Variants in L1TD1 observed in about 807,000 individuals in gnomAD.
The protein encoded by L1TD1 is LINE1 type transposase domain containing 1, also known as LINE-1 type transposase domain-containing protein 1.
In L1TD1, 26 loss-of-function variants were observed where a neutral mutation model predicts 25.7. That is an observed-to-expected ratio of 1.01 (90% CI 0.74 to 1.40). The LOEUF (loss-of-function observed/expected upper bound fraction) is 1.40. Among genes scored for constraint, L1TD1 ranks in the 40% most tolerant of loss-of-function variants. The probability of loss-of-function intolerance (pLI) is 0.00; values close to 1 mark genes in which losing one functional copy is unlikely to be tolerated. For synonymous variants in L1TD1, 421 were observed against 335.6 expected (o/e 1.25, Z -2.78); for missense variants, 1,130 against 975.0 (o/e 1.16, Z -2.12).
rs1409612466 is a variant in L1TD1, at chr1:62,201,824, A to AGG, written c.-110-4691_-110-4690dup. ...ATTCATTCAAATAGAGATCCAAAAT[A>AGG]GGGGGAGCGTACATTGCATCTAGTG... On this transcript the variant is annotated intron_variant, in intron 2 of 3. Transcript: ENST00000498273. Among the ~76,000 whole-genome samples the AGG allele has an allele frequency of 9.9e-5, 15 of 152,184 alleles. 1 individual carries two copies. The highest frequency in any genetic ancestry group is 9.2e-4 in the Admixed American group (14 of 15,268).
chr1:62,195,747 T>A (rs1374217806), intron 1 of L1TD1, among the ~76,000 whole-genome samples: 1 of 140,286 alleles, frequency 7.1e-6, no homozygotes, highest in Non-Finnish European at 1.5e-5. Context: ...GGCGAAACTG[T>A]CTCAAATAAA....
At chr1:62,206,222 C>A (rs2149100801) in intron 2 of L1TD1, among the ~76,000 whole-genome samples, 1 of 152,238 alleles carries the variant, frequency 6.6e-6, no homozygotes, top group African/African-American at 2.4e-5. Context: ...TATAATTAAT[C>A]TCATTATAGA....
Position 62,211,082 on chromosome 1 carries a change from A to C in L1TD1, c.2308A>C (p.Lys770Gln). ...GGTGAAATTTTGGAATTCTAGTGATAAAGAGAAAATAATAAGGGCTTCTAG... is the reference window on the plus strand; with the variant it reads ...GGTGAAATTTTGGAATTCTAGTGATCAAGAGAAAATAATAAGGGCTTCTAG... ...ILVKFWNSSD[K>Q]EKIIRASRER... Residue 770 changes from lysine to glutamine, a missense_variant, in exon 4 of 4, where the codon AAA becomes CAA. Coordinates refer to ENST00000498273, the MANE Select transcript of L1TD1 (RefSeq NM_019079.5). 6.4e-7 allele frequency: 1 copy of C among 1,550,618 alleles called. No homozygotes were observed. The highest frequency in any genetic ancestry group is 8.7e-7 in the Non-Finnish European group (1 of 1,146,834).
chr1:62,194,851 T>A lies in L1TD1; in HGVS notation c.-275T>A, dbSNP rs12740634. On this transcript the variant is annotated 5_prime_UTR_variant, in exon 1 of 4. Coordinates refer to ENST00000498273, the MANE Select transcript of L1TD1 (RefSeq NM_019079.5). ...CCCCAGAGATCGGGAATCCTCTCAG[T>A]CCTTAGTTACAAGGCTCCATCCTCA... The A allele has an allele frequency of 0.2, 29,948 of 152,406 alleles. 3,449 individuals are homozygous for A. Among genetic ancestry groups the A allele is most frequent in the Middle Eastern group, 0.3 (88 of 292 alleles). 9.4% of individuals were successfully genotyped at this position (152,406 alleles called of 1,614,324 possible). A position where few individuals can be genotyped will look rare whatever the true frequency, so the allele number is the denominator to read the frequency against.
At chr1:62,199,491 C>T (rs1290938650) in intron 2 of L1TD1, among the ~76,000 whole-genome samples, 1 of 133,448 alleles carries the variant, frequency 7.5e-6, no homozygotes, top group Non-Finnish European at 1.6e-5. Flanking sequence ...GAGTGAGACT[C>T]TTGTATCAAA....
rs1364013368 is a variant in L1TD1 at position 62,197,162 on chromosome 1, G to C, written c.-111+634G>C. On this transcript the variant is annotated intron_variant, in intron 2 of 3. Transcript: ENST00000498273. ...GCACTTTGGGAGGTTGAGGAGGCCA[G>C]ATCACTTAAGGTCAGCAGTTCGAGA... is the stretch of plus-strand genomic sequence containing the variant. Among the ~76,000 whole-genome samples, 3 of 151,794 alleles carry C rather than the reference G, an allele frequency of 2.0e-5. No individual in the cohort carries two copies. The East Asian group carries it at 5.9e-4, about 30-fold the overall frequency.
At chr1:62,199,401 G>A (rs1670601178) in intron 2 of L1TD1, among the ~76,000 whole-genome samples, 1 of 151,980 alleles carries the variant, frequency 6.6e-6, no homozygotes, top group Non-Finnish European at 1.5e-5. Flanking sequence ...AGGAGGCTGA[G>A]GCGGGAGAAT....
Position 62,211,060 on chromosome 1 carries a change from G to A in L1TD1, c.2286G>A (p.Val762=), listed in dbSNP as rs1205241808. 6.4e-7 allele frequency: 1 copy of A among 1,550,860 alleles called. No individual in the cohort carries two copies. The highest frequency in any genetic ancestry group is 8.7e-7 in the Non-Finnish European group (1 of 1,146,898). Residue 762 remains valine, a synonymous_variant, in exon 4 of 4, where the codon GTG becomes GTA. Coordinates refer to ENST00000498273, the MANE Select transcript of L1TD1 (RefSeq NM_019079.5). ...EKRLTPRHIL[V]KFWNSSDKEK... is the part of the protein sequence containing the mutation. ...GACTGACTCCTAGACACATCTTGGT[G>A]AAATTTTGGAATTCTAGTGATAAAG...
intron 3 of L1TD1, 25 bp downstream of exon 3, chr1:62,207,661 A>G (rs1420611253): frequency 6.7e-6 from 10 of 1,487,656 alleles, no homozygotes; most frequent in Non-Finnish European, 8.9e-6. Flanking sequence ...GTATAAATGT[A>G]TAAAGCTTAT....
chr1:62,196,840 C>CCTCCAT (rs1670552416), intron 2 of L1TD1, among the ~76,000 whole-genome samples: 1 of 152,032 alleles, frequency 6.6e-6, no homozygotes, highest in Non-Finnish European at 1.5e-5. Flanking sequence ...GATCCTTCCA[C>CCTCCAT]CTCCATCTCC....
rs199917985 is a variant in L1TD1 at position 62,198,359 on chromosome 1, GT to G, written c.-111+1833del. ...GCAAAAACACAAAAGTCACCTGTAC[GT>G]TGTGAGAGATACCACACCAAACTTT... On this transcript the variant is annotated intron_variant, in intron 2 of 3. Coordinates refer to ENST00000498273, the MANE Select transcript of L1TD1 (RefSeq NM_019079.5). Among the ~76,000 whole-genome samples the G allele has an allele frequency of 9.8e-3, 1,477 of 151,484 alleles. 11 individuals are homozygous for G. The highest frequency in any genetic ancestry group is 0.017 in the Non-Finnish European group (1,143 of 67,898).
Position 62,207,580 on chromosome 1 carries a change from C to G in L1TD1, c.952C>G (p.Pro318Ala), listed in dbSNP as rs975726539. The G allele has an allele frequency of 6.5e-7, 1 of 1,545,648 alleles. No individual in the cohort carries two copies. Among genetic ancestry groups the G allele is most frequent in the Non-Finnish European group, 8.7e-7 (1 of 1,145,388 alleles). ...SVKELLKDVL[P>A]QKEEINQGGR... ...GAAAGAATTACTGAAAGATGTACTC[C>G]CACAAAAGGAAGAAATAAATCAAGG... The change falls in exon 3 of 4, where the codon CCA (proline) becomes GCA (alanine). Residue 318 changes from proline (P) to alanine (A), a missense_variant. Physicochemically the swap from Pro to Ala is conservative, Grantham distance 27. Transcript: ENST00000498273.
Position 62,210,615 on chromosome 1 carries a change from A to G in L1TD1, c.1841A>G (p.Glu614Gly), listed in dbSNP as rs745450964. ...SKEADLTEETEENLRSSVINS... is the reference protein window; with the variant it reads ...SKEADLTEETGENLRSSVINS... ...GAAGCAGACTTAACAGAGGAAACAG[A>G]AGAAAACTTGAGAAGTAGTGTGATT... The change falls in exon 4 of 4, where the codon GAA becomes GGA. Residue 614 changes from glutamate (E) to glycine (G), a missense_variant. Glu to Gly is a moderately conservative substitution (Grantham distance 98). Transcript: ENST00000498273. 1.1e-5 allele frequency: 18 copies of G among 1,600,876 alleles called. No individual in the cohort carries two copies. The highest frequency in any genetic ancestry group is 1.7e-4 in the Middle Eastern group (1 of 6,052).
Position 62,210,315 on chromosome 1 carries a change from T to G in L1TD1, c.1541T>G (p.Leu514Trp). The part of the protein sequence containing the change: ...RRQKEIPFSY[L>W]VGDSGKKKLV... ...CAAAAAGAAATTCCCTTTAGTTATT[T>G]GGTTGGGGACTCTGGGAAGAAAAAG... The change falls in exon 4 of 4, where the codon TTG becomes TGG. Residue 514 changes from leucine to tryptophan, a missense_variant. Leu to Trp is a moderately conservative substitution (Grantham distance 61). Coordinates refer to ENST00000498273, the MANE Select transcript of L1TD1 (RefSeq NM_019079.5). 6.2e-7 allele frequency: 1 copy of G among 1,614,068 alleles called. No homozygotes were observed. The highest frequency in any genetic ancestry group is 8.5e-7 in the Non-Finnish European group (1 of 1,180,004).
chr1:62,211,302 T>C lies in L1TD1; in HGVS notation c.2528T>C (p.Ile843Thr), dbSNP rs780201723. Reference sequence around the variant, plus strand: ...GGTAAAACAAAGGTATTTCTTAGTATTGAAGAATTTAGAGATTATGTTTTG... The same window carrying C: ...GGTAAAACAAAGGTATTTCTTAGTACTGAAGAATTTAGAGATTATGTTTTG... ...FRGKTKVFLSIEEFRDYVLHM... is the reference protein window; with the variant it reads ...FRGKTKVFLSTEEFRDYVLHM... Residue 843 changes from isoleucine (I) to threonine (T), a missense_variant, in exon 4 of 4, where the codon ATT becomes ACT. Physicochemically the swap from Ile to Thr is moderately conservative, Grantham distance 89 (BLOSUM62 -1). Coordinates refer to ENST00000498273, the MANE Select transcript of L1TD1 (RefSeq NM_019079.5). 3.7e-6 allele frequency: 6 copies of C among 1,613,554 alleles called. No homozygotes were observed. The highest frequency in any genetic ancestry group is 4.5e-5 in the East Asian group (2 of 44,866).
chr1:62,195,768 G>A (rs1033466803), intron 1 of L1TD1, among the ~76,000 whole-genome samples: 2 of 152,006 alleles, frequency 1.3e-5, no homozygotes, highest in African/African-American at 2.4e-5. Context: ...AAAAGATGGA[G>A]GGCCGGGCGT....
intron 2 of L1TD1, among the ~76,000 whole-genome samples, chr1:62,205,440 TA>T (rs368282188): frequency 0.018 from 1,153 of 65,498 alleles, 132 homozygotes; most frequent in East Asian, 0.021. Flanking sequence ...TATATATATA[TA>T]TATTTTTTTT....
At chr1:62,202,740 A>G (rs374099961) in intron 2 of L1TD1, among the ~76,000 whole-genome samples, 105 of 139,484 alleles carry the variant, frequency 7.5e-4, no homozygotes, top group African/African-American at 2.6e-3. Flanking sequence ...GCTGGAGGCA[A>G]TGGCACGATC....
At position 62,204,818 on chromosome 1, in the gene L1TD1, A is replaced by G. The variant is rs1670704775; in HGVS notation, c.-110-1701A>G. On this transcript the variant is annotated intron_variant, in intron 2 of 3. Transcript: ENST00000498273. ...GGGACAGGGTCTCACACTGTCACCC[A>G]GGCTGGAGTGCAATGGTGCGATGTC... Among the ~76,000 whole-genome samples the G allele has an allele frequency of 2.0e-5, 3 of 152,132 alleles. No homozygotes were observed. The South Asian group carries it at 6.2e-4, about 31-fold the overall frequency.
Sources: allele counts gnomAD v4.1 joint callset (sites outside exome capture counted in the v4.1 genomes callset), GRCh38; gene constraint gnomAD v4.1.1; transcripts MANE v1.5; gene names NCBI Gene and HGNC (gene_info 2026-07-23, HGNC 2026-07-21).